PON2: variants seen among roughly 807,000 people sequenced by gnomAD.
PON2 encodes serum paraoxonase/arylesterase 2.
In PON2, 27 loss-of-function variants were observed where a neutral mutation model predicts 36.6. The observed-to-expected ratio is 0.74, with a 90% CI of 0.54 to 1.02. The LOEUF (loss-of-function observed/expected upper bound fraction) is 1.02, where lower values mean the gene tolerates loss of function less well. Among genes scored for constraint, PON2 ranks in the 50% least tolerant of loss-of-function variants. PON2 has a pLI of 0.00. For missense variants in PON2, 363 were observed against 421.1 expected (o/e 0.86, Z 1.21); for synonymous variants, 149 against 156.3 (o/e 0.95, Z 0.35).
intron 1 of PON2, 22 bp downstream of exon 1, chr7:95,434,856 G>C (rs1443221805): frequency 1.3e-6 from 2 of 1,537,560 alleles, no homozygotes; most frequent in South Asian, 2.4e-5. Flanking sequence ...GCCGAGGAGG[G>C]GCGCGCGGGA....
intron 2 of PON2, among the ~76,000 whole-genome samples, chr7:95,420,333 G>A (rs1414607564): frequency 6.6e-6 from 1 of 152,142 alleles, no homozygotes; most frequent in Non-Finnish European, 1.5e-5. Flanking sequence ...TTGAAGGCCA[G>A]ACATTTAGAA....
intron 1 of PON2, 41 bp from the exon 2 acceptor site, chr7:95,424,626 GT>G: frequency 6.7e-7 from 1 of 1,494,326 alleles, no homozygotes; most frequent in East Asian, 2.3e-5. Context: ...AAAACTATTT[GT>G]TTATGTATTC....
rs1422292108 is a variant in PON2, at chr7:95,416,295, C to T, written c.148G>A (p.Ala50Thr). The T allele has an allele frequency of 1.2e-6, 2 of 1,613,746 alleles. No individual in the cohort carries two copies. The highest frequency in any genetic ancestry group is 1.1e-5 in the South Asian group (1 of 91,068). ...AGTATGTCAATATCTTCAGAGCCAG[C>T]TTCTGTAAGTTTAAGGAACAGATAA... ...PHCHLIKGIE[A>T]GSEDIDILPN... is the part of the protein sequence containing the mutation. The change falls in exon 3 of 9, where the codon GCT becomes ACT. Residue 50 changes from alanine (A) to threonine (T), a missense_variant and splice_region_variant. Physicochemically the swap from Ala to Thr is moderately conservative, Grantham distance 58. Transcript: ENST00000222572.
At chr7:95,428,709 G>T (rs1304051258) in intron 1 of PON2, among the ~76,000 whole-genome samples, 2 of 152,128 alleles carry the variant, frequency 1.3e-5, no homozygotes, top group Non-Finnish European at 2.9e-5. Context: ...TTGGTTTCCT[G>T]TGTAATCCTA....
At chr7:95,424,331 G>T (rs1291976142) in intron 2 of PON2, 184 bp downstream of exon 2, 9 of 613,244 alleles carry the variant, frequency 1.5e-5, no homozygotes, top group Non-Finnish European at 2.6e-5. Flanking sequence ...TTACAGTGAG[G>T]GTAGGAAAGA....
intron 1 of PON2, among the ~76,000 whole-genome samples, chr7:95,430,393 C>T (rs551604409): frequency 1.3e-4 from 19 of 151,870 alleles, no homozygotes; most frequent in Non-Finnish European, 1.5e-4. Flanking sequence ...CTCCGCCTCC[C>T]GGGTTCAAGT....
chr7:95,411,045 G>A (rs1303314908), intron 5 of PON2, among the ~76,000 whole-genome samples: 1 of 152,064 alleles, frequency 6.6e-6, no homozygotes, highest in East Asian at 1.9e-4. Context: ...TAAACTAAAA[G>A]AAGCAGTAGG....
chr7:95,417,610 T>C (rs1419541461), intron 2 of PON2, among the ~76,000 whole-genome samples: 1 of 143,532 alleles, frequency 7.0e-6, no homozygotes, highest in Non-Finnish European at 1.5e-5. Flanking sequence ...ACGGTGGTTG[T>C]CCACTGGTAA....
In PON2 at chr7:95,409,938, C is replaced by A; in HGVS notation, c.658G>T (p.Asp220Tyr). The A allele has an allele frequency of 6.2e-7, 1 of 1,613,730 alleles. No homozygotes were observed. Among genetic ancestry groups the A allele is most frequent in the South Asian group, 1.1e-5 (1 of 91,042 alleles). ...GAAATATTGATCCCATTTGCTGAAT[C>A]AAATCCTTCTGCTACCACTTTAACT... is the stretch of plus-strand genomic sequence containing the variant. ...NEVKVVAEGF[D>Y]SANGINISPD... is the part of the protein sequence containing the mutation. The change falls in exon 6 of 9, where the codon GAT becomes TAT. Residue 220 changes from aspartate (D) to tyrosine (Y), a missense_variant. Transcript: ENST00000222572.
At chr7:95,425,815 G>A (rs1789302289) in intron 1 of PON2, among the ~76,000 whole-genome samples, 1 of 151,934 alleles carries the variant, frequency 6.6e-6, no homozygotes, top group African/African-American at 2.4e-5. Context: ...CTCAAATAAT[G>A]TTAAATTTTT....
chr7:95,421,394 T>C (rs1390914154), intron 2 of PON2, among the ~76,000 whole-genome samples: 1 of 152,206 alleles, frequency 6.6e-6, no homozygotes, highest in Non-Finnish European at 1.5e-5. Context: ...ATGTGACAAT[T>C]ATTAACTCAG....
rs568183010 is a variant in PON2 at position 95,406,949 on chromosome 7, A to G, written c.777+38T>C. The G allele has an allele frequency of 6.5e-5, 80 of 1,238,746 alleles. No homozygotes were observed. In the South Asian group the frequency reaches 1.0e-3, roughly 16 times the overall value. 76.7% of individuals were successfully genotyped at this position (1,238,746 alleles called of 1,614,324 possible). A position where few individuals can be genotyped will look rare whatever the true frequency, so the allele number is the denominator to read the frequency against. On this transcript the variant is annotated intron_variant, in intron 7 of 8. Coordinates refer to ENST00000222572, the MANE Select transcript of PON2 (RefSeq NM_000305.3). ...GAAAAACTATGTCATTGCAAAGCAT[A>G]ATAGATTACTGTCTATATGTAAAAA...
chr7:95,417,712 C>CACACACACACACACAG (rs1789099839), intron 2 of PON2, among the ~76,000 whole-genome samples: 2 of 149,402 alleles, frequency 1.3e-5, no homozygotes, highest in African/African-American at 5.0e-5. Flanking sequence ...CACACACACA[C>CACACACACACACACAG]ACACACACAC....
chr7:95,428,162 A>G (rs1789358242), intron 1 of PON2, among the ~76,000 whole-genome samples: 1 of 152,194 alleles, frequency 6.6e-6, no homozygotes, highest in South Asian at 2.1e-4. Flanking sequence ...TAAAATTGAC[A>G]CTCAAAAGGA....
intron 2 of PON2, among the ~76,000 whole-genome samples, chr7:95,419,366 G>A (rs558925756): frequency 3.9e-5 from 6 of 152,232 alleles, no homozygotes; most frequent in Non-Finnish European, 8.8e-5. Context: ...GGGGAATTAG[G>A]GGGAGAATTT....
rs760168941 is a variant in PON2 at position 95,424,557 on chromosome 7, C to T, written c.103G>A (p.Glu35Lys). 2 of 1,613,154 alleles carry T rather than the reference C, an allele frequency of 1.2e-6. No homozygotes were observed. The highest frequency in any genetic ancestry group is 2.2e-5 in the South Asian group (2 of 91,042). Reference sequence around the variant, plus strand: ...TGGCAGTGTGGAAGGTCTACAGATTCTACTTCTCTGGAGGCTTTAAGTCGA... The same window carrying T: ...TGGCAGTGTGGAAGGTCTACAGATTTTACTTCTCTGGAGGCTTTAAGTCGA... ...RNRLKASREV[E>K]SVDLPHCHLI... Residue 35 changes from glutamate to lysine, a missense_variant, in exon 2 of 9, where the codon GAA becomes AAA. Coordinates refer to ENST00000222572, the MANE Select transcript of PON2 (RefSeq NM_000305.3).
chr7:95,419,762 G>A (rs1406850261), intron 2 of PON2, among the ~76,000 whole-genome samples: 1 of 152,114 alleles, frequency 6.6e-6, no homozygotes, highest in Admixed American at 6.6e-5. Flanking sequence ...GCAACAAGCA[G>A]AGTTCTAGTC....
chr7:95,426,964 A>G (rs1789331360), intron 1 of PON2, among the ~76,000 whole-genome samples: 1 of 152,198 alleles, frequency 6.6e-6, no homozygotes, highest in African/African-American at 2.4e-5. Flanking sequence ...AAAGTTTAAT[A>G]TGGGGTTCCT....
chr7:95,407,068 C>T lies in PON2; in HGVS notation c.696G>A (p.Lys232=), dbSNP rs1809717809. The part of the protein sequence containing the change: ...ANGINISPDD[K]YIYVADILAH... Reference sequence around the variant, plus strand: ...CCAATATGTCAGCAACATAGATATACCTTTGCAGAAAGGACACAGTGGTTA... The same window carrying T: ...CCAATATGTCAGCAACATAGATATATCTTTGCAGAAAGGACACAGTGGTTA... Residue 232 remains lysine (K), a splice_region_variant and synonymous_variant, in exon 7 of 9, where the codon AAG becomes AAA. Coordinates refer to ENST00000222572, the MANE Select transcript of PON2 (RefSeq NM_000305.3). The T allele has an allele frequency of 6.3e-7, 1 of 1,584,238 alleles. No homozygotes were observed. The highest frequency in any genetic ancestry group is 8.7e-7 in the Non-Finnish European group (1 of 1,153,574).
Sources: gnomAD v4.1 joint callset for allele counts (sites outside exome capture counted in the v4.1 genomes callset) on GRCh38, gnomAD v4.1.1 for gene constraint, MANE v1.5 for transcripts, NCBI Gene and HGNC (gene_info 2026-07-23, HGNC 2026-07-21) for gene names.